Variants in MORC1 observed in about 807,000 individuals in gnomAD.
MORC1 encodes MORC family CW-type zinc finger protein 1.
MORC1 carries 59 observed loss-of-function variants against 134.9 expected under a neutral mutation model. The observed-to-expected ratio is 0.44, with a 90% CI of 0.35 to 0.54. The LOEUF (loss-of-function observed/expected upper bound fraction) is 0.54. Ranked by LOEUF, MORC1 falls within the 20% of genes least tolerant of loss-of-function variation. MORC1 has a pLI of 0.00. For missense variants in MORC1, 947 were observed against 1,134.5 expected (o/e 0.83, Z 2.37); for synonymous variants, 395 against 391.7 (o/e 1.01, Z -0.10).
chr3:109,075,947 C>G (rs535261324), intron 8 of MORC1, among the ~76,000 whole-genome samples: 3 of 151,824 alleles, frequency 2.0e-5, no homozygotes, highest in Admixed American at 6.6e-5. Context: ...ATGAAAACAC[C>G]AAAAGCAATG....
At chr3:109,072,311 C>A (rs1950335873) in intron 8 of MORC1, among the ~76,000 whole-genome samples, 1 of 152,170 alleles carries the variant, frequency 6.6e-6, no homozygotes, top group Non-Finnish European at 1.5e-5. Context: ...TTCAGCCACT[C>A]TTGCTTGGCG....
At position 109,023,239 on chromosome 3, in the gene MORC1, T is replaced by G. The variant is rs146968643; in HGVS notation, c.1704+4512A>C. 1.4e-3 allele frequency among the ~76,000 whole-genome samples: 214 copies of G among 152,234 alleles called. 1 individual carries two copies. The highest frequency in any genetic ancestry group is 3.4e-3 in the Middle Eastern group (1 of 294). On this transcript the variant is annotated intron_variant, in intron 17 of 27. Coordinates refer to ENST00000232603, the MANE Select transcript of MORC1 (RefSeq NM_014429.4). ...AGAGCCACATGGAAGTGAACACTTG[T>G]AAGAAATATGGAGAAGCTCAGTAGC...
chr3:109,053,908 A>C (rs1949887583), intron 14 of MORC1, among the ~76,000 whole-genome samples: 1 of 152,346 alleles, frequency 6.6e-6, no homozygotes, highest in Non-Finnish European at 1.5e-5. Context: ...TTAAGTTTCC[A>C]GATGTATTTA....
At chr3:109,107,568 A>G (rs2107794555) in intron 3 of MORC1, among the ~76,000 whole-genome samples, 1 of 152,342 alleles carries the variant, frequency 6.6e-6, no homozygotes, top group Non-Finnish European at 1.5e-5. Flanking sequence ...CACGGGAAAC[A>G]TATTTCATTT....
chr3:109,089,226 G>T (rs1448970737), intron 8 of MORC1, among the ~76,000 whole-genome samples: 1 of 151,882 alleles, frequency 6.6e-6, no homozygotes, highest in Admixed American at 6.6e-5. Flanking sequence ...AAGTCTAAAA[G>T]AAAAGTAATG....
chr3:108,989,117 G>T (rs1422216115), intron 21 of MORC1, among the ~76,000 whole-genome samples: 1 of 152,124 alleles, frequency 6.6e-6, no homozygotes, highest in Non-Finnish European at 1.5e-5. Flanking sequence ...ATAGTTGAGG[G>T]TCTGAATTTT....
At chr3:109,069,038 C>T (rs867549106) in intron 9 of MORC1, among the ~76,000 whole-genome samples, 14 of 148,966 alleles carry the variant, frequency 9.4e-5, no homozygotes, top group Admixed American at 8.6e-4. Flanking sequence ...CGCCTGTAAT[C>T]CCAGCTACTG....
At chr3:109,099,308 T>C (rs202176513) in intron 6 of MORC1, 50 bp downstream of exon 6, 69 of 1,332,638 alleles carry the variant, frequency 5.2e-5, no homozygotes, top group African/African-American at 8.9e-5. Flanking sequence ...AGAGAGTAAA[T>C]GAAAGCAACA....
Position 108,979,725 on chromosome 3 carries a change from C to T in MORC1, c.2325-58G>A. On this transcript the variant is annotated intron_variant, in intron 23 of 27. Coordinates refer to ENST00000232603, the MANE Select transcript of MORC1 (RefSeq NM_014429.4). ...TTAGGTATTAATAATTTCAGAAACACTAATATACAAAAATGAGTGAAATGT... is the reference window on the plus strand; with the variant it reads ...TTAGGTATTAATAATTTCAGAAACATTAATATACAAAAATGAGTGAAATGT... The T allele has an allele frequency of 2.5e-6, 4 of 1,574,342 alleles. 1 individual carries two copies. In the Middle Eastern group the frequency reaches 5.1e-4, roughly 200 times the overall value.
rs774057958 is a variant in MORC1, at chr3:109,035,483, AGC to A, written c.1331-17_1331-16del. ...ATTTCTATTATCTTTTAAAAAAAAA[AGC>A]AGGCAAAGAATAACAAAAAAAAATC... is the stretch of plus-strand genomic sequence containing the variant. On this transcript the variant is annotated splice_polypyrimidine_tract_variant and intron_variant, in intron 14 of 27. Coordinates refer to ENST00000232603, the MANE Select transcript of MORC1 (RefSeq NM_014429.4). 30 of 1,414,724 alleles carry A rather than the reference AGC, an allele frequency of 2.1e-5. No individual in the cohort carries two copies. In the African/African-American group the frequency reaches 3.0e-4, roughly 14 times the overall value. The allele number at this position is 1,414,724 out of a possible 1,614,324, so 87.6% of individuals were successfully genotyped here. A position where few individuals can be genotyped will look rare whatever the true frequency, so the allele number is the denominator to read the frequency against.
rs553435630 is a variant in MORC1, at chr3:109,007,203, C to A, written c.1705-112G>T. ...CTTAAAGAAGGGTCAAGATAGCAAA[C>A]CCTCATGAATAATTGTTCAAGGAGT... is the stretch of plus-strand genomic sequence containing the variant. On this transcript the variant is annotated intron_variant, in intron 17 of 27. Coordinates refer to ENST00000232603, the MANE Select transcript of MORC1 (RefSeq NM_014429.4). 86 of 739,338 alleles carry A rather than the reference C, an allele frequency of 1.2e-4. 1 individual carries two copies. In the East Asian group the frequency reaches 1.6e-3, roughly 13 times the overall value. The allele number at this position is 739,338 out of a possible 1,614,324, so 45.8% of individuals were successfully genotyped here.
chr3:109,014,138 T>C (rs1417430699), intron 17 of MORC1, among the ~76,000 whole-genome samples: 1 of 152,216 alleles, frequency 6.6e-6, no homozygotes, highest in East Asian at 1.9e-4. Context: ...GTGTTGCTCT[T>C]AGAAGACTTT....
At chr3:108,990,407 G>A (rs565400335) in intron 21 of MORC1, among the ~76,000 whole-genome samples, 1 of 151,894 alleles carries the variant, frequency 6.6e-6, no homozygotes, top group Non-Finnish European at 1.5e-5. Context: ...AATATGCCAG[G>A]CACACTCCTC....
intron 14 of MORC1, among the ~76,000 whole-genome samples, chr3:109,045,680 CCTT>C (rs1223478409): frequency 2.0e-5 from 3 of 152,132 alleles, no homozygotes; most frequent in African/African-American, 7.2e-5. Context: ...ATGCTACAGT[CCTT>C]CTTCCCTTTC....
Position 109,048,656 on chromosome 3 carries a change from T to C in MORC1, c.1330+6072A>G, listed in dbSNP as rs543384816. On this transcript the variant is annotated intron_variant, in intron 14 of 27. Transcript: ENST00000232603. ...AGGCTGGAAGCCCAAGATCAAGGTATTGGCAGGCTTGGTTTCTTCTGAGGC... is the reference window on the plus strand; with the variant it reads ...AGGCTGGAAGCCCAAGATCAAGGTACTGGCAGGCTTGGTTTCTTCTGAGGC... 2.0e-5 allele frequency among the ~76,000 whole-genome samples: 3 copies of C among 152,318 alleles called. No individual in the cohort carries two copies. In the East Asian group the frequency reaches 5.8e-4, roughly 29 times the overall value.
rs190906824 is a variant in MORC1, at chr3:109,055,459, G to A, written c.1176-577C>T. ...TAGGGCTCCCCACTGCCTTTTGCAC[G>A]GCACATGTGTCAAAGCCTCACAATT... On this transcript the variant is annotated intron_variant, in intron 13 of 27. Transcript: ENST00000232603. Among the ~76,000 whole-genome samples, 60 of 152,172 alleles carry A rather than the reference G, an allele frequency of 3.9e-4. 1 individual carries two copies. In the East Asian group the frequency reaches 9.1e-3, roughly 23 times the overall value.
chr3:109,068,458 T>A (rs1286664454), intron 9 of MORC1, among the ~76,000 whole-genome samples: 1 of 152,230 alleles, frequency 6.6e-6, no homozygotes, highest in Non-Finnish European at 1.5e-5. Flanking sequence ...ACATAAGATA[T>A]TTGATTTTCC....
intron 24 of MORC1, 79 bp downstream of exon 24, chr3:108,979,436 A>G: frequency 1.6e-5 from 23 of 1,461,610 alleles, no homozygotes; most frequent in Non-Finnish European, 2.2e-5. Flanking sequence ...ATTAAAACTC[A>G]GTAGGGAAAA....
At chr3:109,074,537 C>T (rs1950381277) in intron 8 of MORC1, among the ~76,000 whole-genome samples, 1 of 152,144 alleles carries the variant, frequency 6.6e-6, no homozygotes, top group African/African-American at 2.4e-5. Flanking sequence ...AACAGAAGTA[C>T]TTTACAAAAT....
Sources: gnomAD v4.1 joint callset for allele counts (sites outside exome capture counted in the v4.1 genomes callset) on GRCh38, gnomAD v4.1.1 for gene constraint, MANE v1.5 for transcripts, NCBI Gene and HGNC (gene_info 2026-07-23, HGNC 2026-07-21) for gene names.